Variants in L2HGDH observed in about 807,000 individuals in gnomAD.
L2HGDH encodes L-2-hydroxyglutarate dehydrogenase, also known as L-2-hydroxyglutarate dehydrogenase, mitochondrial.
A neutral mutation model predicts 51.5 loss-of-function variants in L2HGDH; 34 were observed. The observed-to-expected ratio is 0.66, with a 90% confidence interval of 0.50 to 0.88. L2HGDH has a LOEUF of 0.88. Ranked by LOEUF, L2HGDH falls within the 40% of genes least tolerant of loss-of-function variation. The pLI, the probability that L2HGDH is intolerant of heterozygous loss-of-function variation, is 0.00. For missense variants in L2HGDH, 558 were observed against 571.9 expected, an observed-to-expected ratio of 0.98 and a Z score of 0.25; for synonymous variants, 198 against 197.9, an observed-to-expected ratio of 1.00 and a Z score of -0.01.
intron 9 of L2HGDH, among the ~76,000 whole-genome samples, chr14:50,258,979 T>C (rs1430701956): frequency 6.6e-6 from 1 of 150,728 alleles, no homozygotes; most frequent in African/African-American, 2.4e-5. Flanking sequence ...TAGTTGGGAC[T>C]ACAGGCATAT....
chr14:50,308,913 T>C (rs1431276488), intron 1 of L2HGDH, among the ~76,000 whole-genome samples: 3 of 152,238 alleles, frequency 2.0e-5, no homozygotes, highest in African/African-American at 7.2e-5. Context: ...ATCCATACCA[T>C]GGAATTCTAT....
Position 50,242,683 on chromosome 14 carries a change from C to T in L2HGDH, c.*4375G>A. The T allele has an allele frequency of 2.0e-6, 2 of 985,446 alleles. No individual in the cohort carries two copies. The highest frequency in any genetic ancestry group is 4.7e-5 in the South Asian group (1 of 21,288). The allele number at this position is 985,446 out of a possible 1,614,324, so 61.0% of individuals were successfully genotyped here. ...CTTTTGCTTTCCCAACCATTTCACC[C>T]TGTCCTTCTACCTTAAGCCCTGATG... On this transcript the variant is annotated 3_prime_UTR_variant, in exon 10 of 10. Coordinates refer to ENST00000267436, the MANE Select transcript of L2HGDH (RefSeq NM_024884.3).
chr14:50,286,950 T>A (rs1461600918), intron 4 of L2HGDH, among the ~76,000 whole-genome samples: 1 of 152,230 alleles, frequency 6.6e-6, no homozygotes, highest in Non-Finnish European at 1.5e-5. Context: ...TTCATCTTCT[T>A]ATCTATCTAC....
intron 4 of L2HGDH, among the ~76,000 whole-genome samples, chr14:50,289,671 T>C (rs1890763712): frequency 6.6e-6 from 1 of 152,174 alleles, no homozygotes; most frequent in African/African-American, 2.4e-5. Context: ...CTAGGATTGT[T>C]CAAAAAAGCA....
chr14:50,268,026 G>C, intron 7 of L2HGDH, 116 bp from the exon 8 acceptor site: 1 of 1,000,464 alleles, frequency 1.0e-6, no homozygotes, highest in Non-Finnish European at 1.6e-6. Flanking sequence ...TTTGTATTGT[G>C]AGCTGTACTC....
Position 50,267,816 on chromosome 14 carries a change from T to G in L2HGDH, c.1001A>C (p.Lys334Thr). The G allele has an allele frequency of 1.2e-6, 2 of 1,613,960 alleles. No individual in the cohort carries two copies. Among genetic ancestry groups the G allele is most frequent in the Non-Finnish European group, 1.7e-6 (2 of 1,179,786 alleles). ...GTCAAAGGGTCTGTAACCCTCTCGTTTAAAGGCAAGAACTGCATTAGGCCC... is the reference window on the plus strand; with the variant it reads ...GTCAAAGGGTCTGTAACCCTCTCGTGTAAAGGCAAGAACTGCATTAGGCCC... ...WLGPNAVLAFKREGYRPFDFS... is the reference protein window; with the variant it reads ...WLGPNAVLAFTREGYRPFDFS... Residue 334 changes from lysine (K) to threonine (T), a missense_variant, in exon 8 of 10, where the codon AAA (lysine) becomes ACA (threonine). This residue lies in a region of L2HGDH where 321 missense variants were observed against 311.8 expected (regional missense o/e 1.03). Transcript: ENST00000267436.
intron 9 of L2HGDH, among the ~76,000 whole-genome samples, chr14:50,264,884 T>C (rs929982687): frequency 6.6e-6 from 1 of 152,052 alleles, no homozygotes; most frequent in Admixed American, 6.5e-5. Context: ...AAAGGTTTTT[T>C]TTAAGTTTTA....
intron 4 of L2HGDH, among the ~76,000 whole-genome samples, chr14:50,287,701 T>C (rs1890640303): frequency 1.5e-5 from 2 of 134,590 alleles, no homozygotes; most frequent in Admixed American, 7.4e-5. Context: ...CTTTTTTTTT[T>C]TTTTTTTTTT....
Position 50,302,131 on chromosome 14 carries a change from A to G in L2HGDH, c.294T>C (p.His98=). Reference sequence around the variant, plus strand: ...ACTCAGGTTTATAATAAATTCCACTATGTATGACACCACTGTTATGTCCAG... The same window carrying G: ...ACTCAGGTTTATAATAAATTCCACTGTGTATGACACCACTGTTATGTCCAG... The part of the protein sequence containing the change: ...HQTGHNSGVI[H]SGIYYKPESL... The change falls in exon 3 of 10, where the codon CAT becomes CAC. Residue 98 remains histidine (H), a synonymous_variant. Coordinates refer to ENST00000267436, the MANE Select transcript of L2HGDH (RefSeq NM_024884.3). 1 of 1,614,170 alleles carries G rather than the reference A, an allele frequency of 6.2e-7. No individual in the cohort carries two copies.
rs1484546741 is a variant in L2HGDH, at chr14:50,294,252, A to G, written c.409-6T>C. On this transcript the variant is annotated splice_region_variant and splice_polypyrimidine_tract_variant and intron_variant, in intron 3 of 9. Coordinates refer to ENST00000267436, the MANE Select transcript of L2HGDH (RefSeq NM_024884.3). Reference sequence around the variant, plus strand: ...TGTTCAACAGCTACTATAAGCTTCAAAAAAAAAAAGGTAAGGAGCATGGAT... The same window carrying G: ...TGTTCAACAGCTACTATAAGCTTCAGAAAAAAAAAGGTAAGGAGCATGGAT... 2.6e-6 allele frequency: 4 copies of G among 1,564,088 alleles called. No homozygotes were observed. Among genetic ancestry groups the G allele is most frequent in the Admixed American group, 3.4e-5 (2 of 58,556 alleles).
intron 3 of L2HGDH, among the ~76,000 whole-genome samples, chr14:50,299,337 C>T (rs1332826089): frequency 6.6e-6 from 1 of 152,094 alleles, no homozygotes; most frequent in Non-Finnish European, 1.5e-5. Flanking sequence ...AATAAAAAGT[C>T]TCCCAGTAAA....
chr14:50,245,517 G>C lies in L2HGDH; in HGVS notation c.*1541C>G. On this transcript the variant is annotated 3_prime_UTR_variant, in exon 10 of 10. Coordinates refer to ENST00000267436, the MANE Select transcript of L2HGDH (RefSeq NM_024884.3). ...TATTTCCTACAAATATTATAATTAA[G>C]ATAGAAACTTATTCAAACTACTCAA... is the stretch of plus-strand genomic sequence containing the variant. 1.0e-6 allele frequency: 1 copy of C among 971,968 alleles called. No individual in the cohort carries two copies. The highest frequency in any genetic ancestry group is 1.1e-4 in the East Asian group (1 of 8,770). 60.2% of individuals were successfully genotyped at this position (971,968 alleles called of 1,614,324 possible).
At chr14:50,253,328 C>T (rs1273287195) in intron 9 of L2HGDH, among the ~76,000 whole-genome samples, 1 of 151,980 alleles carries the variant, frequency 6.6e-6, no homozygotes, top group Non-Finnish European at 1.5e-5. Flanking sequence ...GCTCAAACAA[C>T]TCTATAGGAA....
At chr14:50,302,296 A>T (rs1408602324) in intron 2 of L2HGDH, 128 bp from the exon 3 acceptor site, 1 of 949,644 alleles carries the variant, frequency 1.1e-6, no homozygotes, top group East Asian at 2.5e-5. Context: ...GAATTTGTTC[A>T]GATCACTGGT....
In L2HGDH at chr14:50,309,554, T is replaced by G. The variant is rs894463848; in HGVS notation, c.140+2457A>C. ...TCCAGCCTGGGTGACAAAGCGAGACTTCGTGTTAAAAAAAAAAAAAAATTT... is the reference window on the plus strand; with the variant it reads ...TCCAGCCTGGGTGACAAAGCGAGACGTCGTGTTAAAAAAAAAAAAAAATTT... On this transcript the variant is annotated intron_variant, in intron 1 of 9. Coordinates refer to ENST00000267436, the MANE Select transcript of L2HGDH (RefSeq NM_024884.3). Among the ~76,000 whole-genome samples, 4 of 125,894 alleles carry G rather than the reference T, an allele frequency of 3.2e-5. No individual in the cohort carries two copies. In the East Asian group the frequency reaches 9.9e-4, roughly 31 times the overall value. 82.6% of individuals were successfully genotyped at this position (125,894 alleles called of 152,430 possible).
intron 3 of L2HGDH, among the ~76,000 whole-genome samples, chr14:50,295,930 G>A (rs1011569934): frequency 1.3e-5 from 2 of 148,306 alleles, no homozygotes; most frequent in East Asian, 4.0e-4. Flanking sequence ...GTAGAAATGG[G>A]GTTTCACCAT....
intron 3 of L2HGDH, among the ~76,000 whole-genome samples, chr14:50,297,215 TTAC>T (rs2030110308): frequency 1.3e-5 from 2 of 152,220 alleles, no homozygotes; most frequent in African/African-American, 4.8e-5. Context: ...AGGTCCACTT[TTAC>T]TACTTCTGTT....
chr14:50,303,193 G>C (rs1026539622), intron 1 of L2HGDH, among the ~76,000 whole-genome samples, 176 bp from the exon 2 acceptor site: 2 of 152,154 alleles, frequency 1.3e-5, no homozygotes, highest in African/African-American at 2.4e-5. Context: ...AGTGGCCGAG[G>C]GGGGCGGATC....
chr14:50,253,213 A>G (rs1474455960), intron 9 of L2HGDH, among the ~76,000 whole-genome samples: 1 of 152,156 alleles, frequency 6.6e-6, no homozygotes, highest in African/African-American at 2.4e-5. Context: ...GCTTTTGCAC[A>G]GCAAAGGAAA....
Sources: gnomAD v4.1 joint callset for allele counts (sites outside exome capture counted in the v4.1 genomes callset) on GRCh38, gnomAD v4.1.1 for gene constraint, gnomAD v4.1.1 regional missense constraint, MANE v1.5 for transcripts, NCBI Gene and HGNC (gene_info 2026-07-23, HGNC 2026-07-21) for gene names.